MYRFL: variants seen among roughly 807,000 people sequenced by gnomAD.
The protein encoded by MYRFL is myelin regulatory factor like.
A neutral mutation model predicts 109.4 loss-of-function variants in MYRFL; 88 were observed. That is an observed-to-expected ratio of 0.80 (90% CI 0.68 to 0.96). The LOEUF (loss-of-function observed/expected upper bound fraction) is 0.96, where lower values mean the gene tolerates loss of function less well. Among genes scored for constraint, MYRFL ranks in the 40% least tolerant of loss-of-function variants. MYRFL has a pLI of 0.00. For synonymous variants in MYRFL, 324 were observed against 320.9 expected, an observed-to-expected ratio of 1.01 and a Z score of -0.10; for missense variants, 957 against 954.9, an observed-to-expected ratio of 1.00 and a Z score of -0.03.
chr12:69,860,959 C>T (rs2136324608), intron 2 of MYRFL, among the ~76,000 whole-genome samples: 1 of 141,810 alleles, frequency 7.1e-6, no homozygotes, highest in Middle Eastern at 3.6e-3. Context: ...CATGTGTTCT[C>T]ATTGTTCAGT....
Position 69,836,186 on chromosome 12 carries a change from G to A in MYRFL, c.46+10623G>A, listed in dbSNP as rs576827099. 4.3e-4 allele frequency among the ~76,000 whole-genome samples: 66 copies of A among 152,300 alleles called. 1 individual carries two copies. In the South Asian group the frequency reaches 7.7e-3, roughly 18 times the overall value. ...TGCTTCTGCCGGTCAGGGGCTAGCC[G>A]GCATGCCGGTGTGGGTCCATTCCTC... On this transcript the variant is annotated intron_variant, in intron 1 of 24. Coordinates refer to ENST00000552032, the MANE Select transcript of MYRFL (RefSeq NM_182530.3).
At chr12:69,937,626 T>C (rs1351553740) in intron 19 of MYRFL, among the ~76,000 whole-genome samples, 1 of 152,214 alleles carries the variant, frequency 6.6e-6, no homozygotes, top group Non-Finnish European at 1.5e-5. Context: ...CTGCTTATAC[T>C]TCATTGGCCA....
chr12:69,885,578 A>G lies in MYRFL; in HGVS notation c.557-1242A>G, dbSNP rs182150935. On this transcript the variant is annotated intron_variant, in intron 5 of 24. Coordinates refer to ENST00000552032, the MANE Select transcript of MYRFL (RefSeq NM_182530.3). Reference sequence around the variant, plus strand: ...TTCCCATTCCCTCCTGATGCCAGGCATGAGTGATGGTAGAGGAGTTAAAAG... The same window carrying G: ...TTCCCATTCCCTCCTGATGCCAGGCGTGAGTGATGGTAGAGGAGTTAAAAG... Among the ~76,000 whole-genome samples, 831 of 152,310 alleles carry G rather than the reference A, an allele frequency of 5.5e-3. 5 individuals carry two copies. The highest frequency in any genetic ancestry group is 0.019 in the African/African-American group (790 of 41,564).
Position 69,958,933 on chromosome 12 carries a change from G to T in MYRFL, c.*402G>T, listed in dbSNP as rs1956154391. On this transcript the variant is annotated 3_prime_UTR_variant, in exon 25 of 25. Coordinates refer to ENST00000552032, the MANE Select transcript of MYRFL (RefSeq NM_182530.3). Reference sequence around the variant, plus strand: ...TGTCGACTTCGGCCCACTAAACATAGACTCTTGAGAATGTGTGATATGGTA... The same window carrying T: ...TGTCGACTTCGGCCCACTAAACATATACTCTTGAGAATGTGTGATATGGTA... 1 of 190,800 alleles carries T rather than the reference G, an allele frequency of 5.2e-6. No homozygotes were observed. Among genetic ancestry groups the T allele is most frequent in the South Asian group, 1.1e-4 (1 of 9,460 alleles). The allele number at this position is 190,800 out of a possible 1,614,324, so 11.8% of individuals were successfully genotyped here.
At chr12:69,830,169 T>C (rs974799228) in intron 1 of MYRFL, among the ~76,000 whole-genome samples, 1 of 152,000 alleles carries the variant, frequency 6.6e-6, no homozygotes, top group African/African-American at 2.4e-5. Context: ...AGCAGAAAGA[T>C]TACCTCCTCC....
intron 1 of MYRFL, among the ~76,000 whole-genome samples, chr12:69,853,093 C>CT (rs1224890163): frequency 6.6e-6 from 1 of 152,260 alleles, no homozygotes; most frequent in African/African-American, 2.4e-5. Context: ...TCTCAATGAG[C>CT]TGTTGGGTAC....
chr12:69,900,728 A>G (rs1375198938), intron 10 of MYRFL, among the ~76,000 whole-genome samples: 1 of 152,204 alleles, frequency 6.6e-6, no homozygotes. Flanking sequence ...ATGGTAAAAC[A>G]AATTCCAGCT....
intron 19 of MYRFL, among the ~76,000 whole-genome samples, chr12:69,940,144 G>A (rs1343866596): frequency 6.6e-6 from 1 of 152,108 alleles, no homozygotes; most frequent in Non-Finnish European, 1.5e-5. Context: ...TATTACCCAG[G>A]AGAATTTCCC....
chr12:69,869,040 T>C lies in MYRFL; in HGVS notation c.138-9988T>C, dbSNP rs140391436. On this transcript the variant is annotated intron_variant, in intron 2 of 24. Transcript: ENST00000552032. ...CTCACACACAGAGTAGGAAGACATA[T>C]TCTTAATGTGAAAGTTCATGCGGAA... Among the ~76,000 whole-genome samples the C allele has an allele frequency of 3.0e-3, 452 of 152,306 alleles. 1 individual carries two copies. The highest frequency in any genetic ancestry group is 0.011 in the African/African-American group (440 of 41,558).
chr12:69,952,266 G>T, intron 20 of MYRFL, 91 bp downstream of exon 20: 1 of 1,196,222 alleles, frequency 8.4e-7, no homozygotes, highest in Non-Finnish European at 1.2e-6. Context: ...TGAGGAGCAG[G>T]GACAAAGGCT....
At chr12:69,880,430 T>G (rs148426660) in intron 5 of MYRFL, 138 bp downstream of exon 5, 143 of 574,780 alleles carry the variant, frequency 2.5e-4, no homozygotes, top group African/African-American at 2.4e-3. Flanking sequence ...GGTAGTTTGG[T>G]TCTTCCCTCT....
chr12:69,860,586 T>TATC (rs1884588678), intron 2 of MYRFL, among the ~76,000 whole-genome samples: 1 of 152,020 alleles, frequency 6.6e-6, no homozygotes, highest in Non-Finnish European at 1.5e-5. Flanking sequence ...GATTTGAGTC[T>TATC]ATCTTTTTCT....
intron 2 of MYRFL, among the ~76,000 whole-genome samples, chr12:69,868,192 C>T (rs928178338): frequency 2.0e-5 from 3 of 151,726 alleles, no homozygotes; most frequent in Non-Finnish European, 4.4e-5. Context: ...CTGCAGCCTC[C>T]ACCTGCCAGG....
rs75155167 is a variant in MYRFL at position 69,901,400 on chromosome 12, G to T, written c.1183-2244G>T. On this transcript the variant is annotated intron_variant, in intron 10 of 24. Transcript: ENST00000552032. ...TTACTGATGAGGAATTCTCCCTAGG[G>T]CTATATATTTAGAATGTTGTGAATC... is the stretch of plus-strand genomic sequence containing the variant. Among the ~76,000 whole-genome samples, 8 of 152,256 alleles carry T rather than the reference G, an allele frequency of 5.3e-5. No homozygotes were observed. The East Asian group carries it at 1.2e-3, about 22-fold the overall frequency.
rs1309164896 is a variant in MYRFL at position 69,958,439 on chromosome 12, T to TGACAG, written c.2647-3_2648dup. On this transcript the variant is annotated splice_region_variant and splice_polypyrimidine_tract_variant and intron_variant, in intron 24 of 24. Coordinates refer to ENST00000552032, the MANE Select transcript of MYRFL (RefSeq NM_182530.3). ...CTTCCTTTTTTTTTTTCTCCTTTTC[T>TGACAG]GACAGGATTTAGCTGACTGTTCAAC... is the stretch of plus-strand genomic sequence containing the variant. The TGACAG allele has an allele frequency of 2.0e-6, 3 of 1,523,310 alleles. No homozygotes were observed. In the Admixed American group the frequency reaches 6.2e-5, roughly 31 times the overall value. The allele number at this position is 1,523,310 out of a possible 1,614,324, so 94.4% of individuals were successfully genotyped here.
At chr12:69,902,763 A>G (rs551468398) in intron 10 of MYRFL, among the ~76,000 whole-genome samples, 31 of 152,356 alleles carry the variant, frequency 2.0e-4, no homozygotes, top group African/African-American at 5.5e-4. Flanking sequence ...GGGAAGCAGG[A>G]AGGAAGGCAG....
At chr12:69,906,191 A>G (rs1054155246) in intron 11 of MYRFL, among the ~76,000 whole-genome samples, 2 of 152,224 alleles carry the variant, frequency 1.3e-5, no homozygotes, top group Non-Finnish European at 2.9e-5. Flanking sequence ...GTGGATATTA[A>G]GAACATGATT....
chr12:69,951,124 G>A (rs1187928711), intron 19 of MYRFL, among the ~76,000 whole-genome samples: 1 of 152,214 alleles, frequency 6.6e-6, no homozygotes, highest in Non-Finnish European at 1.5e-5. Context: ...TGATGGTTCA[G>A]TAATAAGTGC....
chr12:69,872,506 A>AT lies in MYRFL; in HGVS notation c.138-6510dup, dbSNP rs552885631. On this transcript the variant is annotated intron_variant, in intron 2 of 24. Coordinates refer to ENST00000552032, the MANE Select transcript of MYRFL (RefSeq NM_182530.3). ...ACCTGGCTAATCTTAAATAAAAAAAATTTTTTTTTTTTGAGATGGAGTCTC... is the reference window on the plus strand; with the variant it reads ...ACCTGGCTAATCTTAAATAAAAAAAATTTTTTTTTTTTTGAGATGGAGTCTC... Among the ~76,000 whole-genome samples, 450 of 147,346 alleles carry AT rather than the reference A, an allele frequency of 3.1e-3. 2 individuals carry two copies. Among genetic ancestry groups the AT allele is most frequent in the South Asian group, 0.018 (84 of 4,632 alleles).
Sources: allele counts gnomAD v4.1 joint callset (sites outside exome capture counted in the v4.1 genomes callset), GRCh38; gene constraint gnomAD v4.1.1; transcripts MANE v1.5; gene names NCBI Gene and HGNC (gene_info 2026-07-23, HGNC 2026-07-21).